MBD3L1: variants seen among roughly 807,000 people sequenced by gnomAD.
The protein encoded by MBD3L1 is methyl-CpG binding domain protein 3 like 1.
For missense variants in MBD3L1, 203 were observed against 230.1 expected, an observed-to-expected ratio of 0.88 and a Z score of 0.76; for synonymous variants, 84 against 85.1, an observed-to-expected ratio of 0.99 and a Z score of 0.07.
At chr19:8,834,400 G>A (rs1383155373) in intron 1 of MBD3L1, among the ~76,000 whole-genome samples, 2 of 151,770 alleles carry the variant, frequency 1.3e-5, no homozygotes, top group African/African-American at 4.8e-5. Context: ...ACGAGGTCAA[G>A]ATATCGAGAC....
At chr19:8,834,713 C>CA (rs2044436194) in intron 1 of MBD3L1, among the ~76,000 whole-genome samples, 1 of 148,250 alleles carries the variant, frequency 6.7e-6, no homozygotes, top group Admixed American at 6.7e-5. Flanking sequence ...ACACCATGTA[C>CA]AAAAGTGAGC....
intron 1 of MBD3L1, among the ~76,000 whole-genome samples, chr19:8,839,432 C>T (rs2044489005): frequency 6.6e-6 from 1 of 151,996 alleles, no homozygotes; most frequent in African/African-American, 2.4e-5. Flanking sequence ...AATCTCCTGA[C>T]CTCATGATCT....
At chr19:8,834,644 A>C (rs957025152) in intron 1 of MBD3L1, among the ~76,000 whole-genome samples, 1 of 151,894 alleles carries the variant, frequency 6.6e-6, no homozygotes, top group African/African-American at 2.4e-5. Flanking sequence ...AAAACAAAAA[A>C]AAAACCAACC....
At chr19:8,834,806 T>C (rs1470356789) in intron 1 of MBD3L1, among the ~76,000 whole-genome samples, 2 of 152,264 alleles carry the variant, frequency 1.3e-5, no homozygotes, top group East Asian at 3.9e-4. Context: ...CTTTGTGATC[T>C]TGGGTTAGGC....
At position 8,834,335 on chromosome 19, in the gene MBD3L1, C is replaced by T. The variant is rs564460410; in HGVS notation, c.-107+1813C>T. On this transcript the variant is annotated intron_variant, in intron 1 of 2. Transcript: ENST00000595891. ...TACAAAAGAATGAAATTGGGCTGGG[C>T]GTGGTGGCTCACGCCTGTAACCCCA... Among the ~76,000 whole-genome samples the T allele has an allele frequency of 3.3e-5, 5 of 152,116 alleles. 2 individuals carry two copies. The highest frequency in any genetic ancestry group is 1.2e-4 in the African/African-American group (5 of 41,516).
At chr19:8,839,166 CTTTT>C (rs889656249) in intron 1 of MBD3L1, among the ~76,000 whole-genome samples, 1 of 126,696 alleles carries the variant, frequency 7.9e-6, no homozygotes, top group Non-Finnish European at 1.7e-5. Flanking sequence ...TTTAGATTTT[CTTTT>C]TTTTCTTTTC....
At chr19:8,836,916 A>G (rs969070573) in intron 1 of MBD3L1, among the ~76,000 whole-genome samples, 8 of 152,244 alleles carry the variant, frequency 5.3e-5, no homozygotes, top group African/African-American at 1.9e-4. Flanking sequence ...TATTTTGGAT[A>G]AATAAGCAAA....
chr19:8,834,771 C>T (rs987745874), intron 1 of MBD3L1, among the ~76,000 whole-genome samples: 180 of 152,182 alleles, frequency 1.2e-3, no homozygotes, highest in African/African-American at 4.1e-3. Flanking sequence ...CTATAAACTT[C>T]TTGGAAGAAA....
At chr19:8,834,957 A>C (rs568060793) in intron 1 of MBD3L1, among the ~76,000 whole-genome samples, 1 of 152,338 alleles carries the variant, frequency 6.6e-6, no homozygotes, top group Admixed American at 6.5e-5. Flanking sequence ...GACATTTACA[A>C]ATGATTTATC....
At chr19:8,837,090 G>A (rs79345726) in intron 1 of MBD3L1, among the ~76,000 whole-genome samples, 2,405 of 152,144 alleles carry the variant, frequency 0.016, 65 homozygotes, top group African/African-American at 0.056. Flanking sequence ...ATTTTAAATG[G>A]CCAGTTTGTC....
At position 8,832,526 on chromosome 19, in the gene MBD3L1, A is replaced by C. The variant is rs1244172055; in HGVS notation, c.-107+4A>C. 1 of 151,916 alleles carries C rather than the reference A, an allele frequency of 6.6e-6. No homozygotes were observed. The highest frequency in any genetic ancestry group is 1.9e-4 in the East Asian group (1 of 5,184). 9.4% of individuals were successfully genotyped at this position (151,916 alleles called of 1,614,324 possible). ...CTGGCCTGGGGCAGTAGCGGGGGTAAGGTTGGCCCTGGGGGCGGGGCCAGG... is the reference window on the plus strand; with the variant it reads ...CTGGCCTGGGGCAGTAGCGGGGGTACGGTTGGCCCTGGGGGCGGGGCCAGG... On this transcript the variant is annotated splice_donor_region_variant and intron_variant, in intron 1 of 2. Transcript: ENST00000595891.
rs147189214 is a variant in MBD3L1, at chr19:8,840,899, A to G, written c.-106-16A>G. 3 of 152,046 alleles carry G rather than the reference A, an allele frequency of 2.0e-5. No individual in the cohort carries two copies. The highest frequency in any genetic ancestry group is 4.4e-5 in the Non-Finnish European group (3 of 68,012). 9.4% of individuals were successfully genotyped at this position (152,046 alleles called of 1,614,324 possible). A position where few individuals can be genotyped will look rare whatever the true frequency, so the allele number is the denominator to read the frequency against. ...TGGCACTAAGACGTCATGTCACGTG[A>G]TTCTTTTTTCAGCAGTGATCATATG... On this transcript the variant is annotated splice_polypyrimidine_tract_variant and intron_variant, in intron 1 of 2. Coordinates refer to ENST00000595891, the MANE Select transcript of MBD3L1 (RefSeq NM_001393532.1).
Position 8,835,747 on chromosome 19 carries a change from A to C in MBD3L1, c.-107+3225A>C, listed in dbSNP as rs1005026034. 3.9e-5 allele frequency among the ~76,000 whole-genome samples: 6 copies of C among 152,254 alleles called. No homozygotes were observed. The South Asian group carries it at 1.2e-3, about 31-fold the overall frequency. Reference sequence around the variant, plus strand: ...ATGAATGTTCATAGCAGCATTATACATAATAGCCCAAAATTTTGTATGTCC... The same window carrying C: ...ATGAATGTTCATAGCAGCATTATACCTAATAGCCCAAAATTTTGTATGTCC... On this transcript the variant is annotated intron_variant, in intron 1 of 2. Coordinates refer to ENST00000595891, the MANE Select transcript of MBD3L1 (RefSeq NM_001393532.1).
chr19:8,842,093 C>G (rs190007163), intron 2 of MBD3L1, among the ~76,000 whole-genome samples: 2 of 151,732 alleles, frequency 1.3e-5, no homozygotes, highest in African/African-American at 4.8e-5. Context: ...TTTGGGAGGT[C>G]GAGGGGGGGT....
intron 1 of MBD3L1, among the ~76,000 whole-genome samples, chr19:8,837,538 C>G (rs1038490821): frequency 3.3e-5 from 5 of 152,220 alleles, no homozygotes; most frequent in Non-Finnish European, 5.9e-5. Context: ...ATGCCTGGAC[C>G]CTTTCTGCCT....
chr19:8,838,347 A>G (rs2044477192), intron 1 of MBD3L1, among the ~76,000 whole-genome samples: 1 of 151,780 alleles, frequency 6.6e-6, no homozygotes, highest in Non-Finnish European at 1.5e-5. Flanking sequence ...ACAGATGTCA[A>G]ATAATCCCCA....
intron 2 of MBD3L1, among the ~76,000 whole-genome samples, chr19:8,841,693 A>C (rs2044514464): frequency 6.6e-6 from 1 of 151,954 alleles, no homozygotes; most frequent in South Asian, 2.1e-4. Flanking sequence ...AGTAGCTGGG[A>C]TTACAGGTGC....
chr19:8,835,372 C>T (rs770116091), intron 1 of MBD3L1, among the ~76,000 whole-genome samples: 3 of 151,926 alleles, frequency 2.0e-5, no homozygotes, highest in Non-Finnish European at 4.4e-5. Flanking sequence ...ACAAAGAGTT[C>T]GAATCGTCAT....
chr19:8,836,675 A>G (rs981916747), intron 1 of MBD3L1, among the ~76,000 whole-genome samples: 1 of 152,082 alleles, frequency 6.6e-6, no homozygotes, highest in African/African-American at 2.4e-5. Context: ...TATTTTTTAT[A>G]GAGACAGGGA....
Sources: gnomAD v4.1 joint callset for allele counts (sites outside exome capture counted in the v4.1 genomes callset) on GRCh38, gnomAD v4.1.1 for gene constraint, MANE v1.5 for transcripts, NCBI Gene and HGNC (gene_info 2026-07-23, HGNC 2026-07-21) for gene names.